PTN: variants seen among roughly 807,000 people sequenced by gnomAD.
PTN encodes the protein pleiotrophin.
A neutral mutation model predicts 24.1 loss-of-function variants in PTN; 18 were observed. That is an observed-to-expected ratio of 0.75 (90% CI 0.52 to 1.11). The LOEUF (loss-of-function observed/expected upper bound fraction) is 1.11, where lower values mean the gene tolerates loss of function less well. Ranked by LOEUF, PTN falls within the 50% of genes least tolerant of loss-of-function variation. PTN has a pLI of 0.00. For synonymous variants in PTN, 78 were observed against 68.6 expected (o/e 1.14, Z -0.67); for missense variants, 163 against 198.8 (o/e 0.82, Z 1.08).
intron 1 of PTN, among the ~76,000 whole-genome samples, chr7:137,281,351 C>T (rs1477668761): frequency 6.6e-6 from 1 of 152,040 alleles, no homozygotes; most frequent in Non-Finnish European, 1.5e-5. Flanking sequence ...AAATAAGAGA[C>T]CATCTCACTG....
intron 1 of PTN, among the ~76,000 whole-genome samples, chr7:137,264,709 T>G (rs774210165): frequency 2.6e-5 from 4 of 152,214 alleles, no homozygotes; most frequent in Non-Finnish European, 5.9e-5. Context: ...GCAGGGATTT[T>G]CACAGAGCAA....
intron 4 of PTN, among the ~76,000 whole-genome samples, chr7:137,228,551 C>T (rs776486881): frequency 1.3e-5 from 2 of 151,636 alleles, no homozygotes; most frequent in Non-Finnish European, 3.0e-5. Context: ...TCTGAGCAAA[C>T]AATTGCAAAG....
chr7:137,298,082 T>G (rs532367699), intron 1 of PTN, among the ~76,000 whole-genome samples: 21 of 152,082 alleles, frequency 1.4e-4, no homozygotes, highest in Non-Finnish European at 2.5e-4. Context: ...GGTCAAGGAT[T>G]AAGGAGCAAG....
At chr7:137,280,207 A>G (rs1048530615) in intron 1 of PTN, among the ~76,000 whole-genome samples, 3 of 152,194 alleles carry the variant, frequency 2.0e-5, no homozygotes, top group Non-Finnish European at 4.4e-5. Context: ...TCTACTTTTA[A>G]TATTAATAAT....
At chr7:137,265,514 G>A (rs1231656684) in intron 1 of PTN, among the ~76,000 whole-genome samples, 4 of 152,198 alleles carry the variant, frequency 2.6e-5, no homozygotes, top group African/African-American at 9.7e-5. Context: ...CCTCCCTGTC[G>A]TGAGAGACAA....
intron 1 of PTN, among the ~76,000 whole-genome samples, chr7:137,277,900 TG>T (rs1439488704): frequency 9.3e-5 from 14 of 149,778 alleles, no homozygotes; most frequent in African/African-American, 2.9e-4. Flanking sequence ...GATAGATAGA[TG>T]AGATGATAGA....
At chr7:137,283,339 C>T (rs1034189031) in intron 1 of PTN, among the ~76,000 whole-genome samples, 6 of 152,132 alleles carry the variant, frequency 3.9e-5, no homozygotes, top group Admixed American at 2.0e-4. Context: ...TTGATTTGCA[C>T]GCCTTTCAGC....
intron 1 of PTN, among the ~76,000 whole-genome samples, chr7:137,309,317 A>G (rs867592681): frequency 2.0e-4 from 30 of 152,232 alleles, no homozygotes; most frequent in Non-Finnish European, 3.1e-4. Context: ...GCTAATGAGC[A>G]TCTGAGCCTT....
At chr7:137,259,661 C>T (rs1808998961) in intron 1 of PTN, among the ~76,000 whole-genome samples, 1 of 149,592 alleles carries the variant, frequency 6.7e-6, no homozygotes, top group Non-Finnish European at 1.5e-5. Context: ...TAGTATTATC[C>T]AAAAGCAAAA....
At chr7:137,288,848 T>C (rs1389369679) in intron 1 of PTN, among the ~76,000 whole-genome samples, 1 of 152,162 alleles carries the variant, frequency 6.6e-6, no homozygotes, top group Non-Finnish European at 1.5e-5. Flanking sequence ...GGCAAAATCA[T>C]ACCTTCTGCT....
chr7:137,294,949 GAAAT>G (rs1334078850), intron 1 of PTN, among the ~76,000 whole-genome samples: 5 of 152,052 alleles, frequency 3.3e-5, no homozygotes, highest in South Asian at 4.1e-4. Flanking sequence ...CAATAAAAAA[GAAAT>G]AAAATAACTT....
intron 4 of PTN, among the ~76,000 whole-genome samples, chr7:137,234,635 C>A (rs1808487884): frequency 1.3e-5 from 2 of 151,920 alleles, no homozygotes; most frequent in African/African-American, 4.8e-5. Flanking sequence ...TGGAAGTGGG[C>A]CTTAAGAGAA....
chr7:137,332,407 A>G (rs1182226189), intron 1 of PTN, among the ~76,000 whole-genome samples: 4 of 152,112 alleles, frequency 2.6e-5, no homozygotes, highest in African/African-American at 9.7e-5. Context: ...ATATTTCATT[A>G]TTTTTCACAT....
chr7:137,314,563 T>A (rs1810037494), intron 1 of PTN, among the ~76,000 whole-genome samples: 1 of 151,136 alleles, frequency 6.6e-6, no homozygotes, highest in Admixed American at 6.6e-5. Context: ...TATGGTATTA[T>A]CTCTCAGGTC....
intron 4 of PTN, among the ~76,000 whole-genome samples, chr7:137,240,281 G>A (rs1808606155): frequency 6.6e-6 from 1 of 152,104 alleles, no homozygotes; most frequent in East Asian, 1.9e-4. Context: ...AATATCACTA[G>A]CACTTAACAT....
At chr7:137,290,553 G>A (rs576185720) in intron 1 of PTN, among the ~76,000 whole-genome samples, 1 of 152,212 alleles carries the variant, frequency 6.6e-6, no homozygotes, top group East Asian at 1.9e-4. Context: ...TGTAAGTAAT[G>A]CTTTAGAGTG....
chr7:137,294,426 A>G (rs544407520), intron 1 of PTN, among the ~76,000 whole-genome samples: 1 of 152,248 alleles, frequency 6.6e-6, no homozygotes, highest in African/African-American at 2.4e-5. Context: ...GCAGAGCACA[A>G]TTTGCATCAT....
chr7:137,306,784 T>C (rs1323127398), intron 1 of PTN, among the ~76,000 whole-genome samples: 2 of 152,134 alleles, frequency 1.3e-5, no homozygotes, highest in Non-Finnish European at 2.9e-5. Context: ...AAAATCTGAC[T>C]TACTGTTTTG....
intron 1 of PTN, among the ~76,000 whole-genome samples, chr7:137,297,084 A>G (rs73163698): frequency 6.6e-6 from 1 of 152,238 alleles, no homozygotes; most frequent in Non-Finnish European, 1.5e-5. Flanking sequence ...AATGGAAAGA[A>G]ACAGACTTTG....
Sources: allele counts gnomAD v4.1 joint callset (sites outside exome capture counted in the v4.1 genomes callset), GRCh38; gene constraint gnomAD v4.1.1; transcripts MANE v1.5; gene names NCBI Gene and HGNC (gene_info 2026-07-23, HGNC 2026-07-21).